The following GALNT13 variants were observed in gnomAD, a reference collection of about 807,000 sequenced individuals.
GALNT13 encodes UDP-GalNAc:polypeptide N-acetylgalactosaminyltransferase 13.
GALNT13 carries 28 observed loss-of-function variants against 64.2 expected under a neutral mutation model. The observed-to-expected ratio is 0.44, with a 90% CI of 0.32 to 0.60. The LOEUF is 0.60. Ranked by LOEUF, GALNT13 falls within the 20% of genes least tolerant of loss-of-function variation. GALNT13 has a pLI of 0.05. For synonymous variants in GALNT13, 214 were observed against 224.6 expected (o/e 0.95, Z 0.42); for missense variants, 577 against 669.8 (o/e 0.86, Z 1.53).
At chr2:153,444,868 G>A in the GALNT13 span, among the ~76,000 whole-genome samples, 1 of 152,004 alleles carries the variant, frequency 6.6e-6, no homozygotes, top group African/African-American at 2.4e-5. Context: ...CCAGCTTGTG[G>A]TGTTTCACAT....
At chr2:154,060,044 C>T (rs1432587718) in intron 3 of GALNT13, among the ~76,000 whole-genome samples, 1 of 152,020 alleles carries the variant, frequency 6.6e-6, no homozygotes, top group Admixed American at 6.6e-5. Flanking sequence ...AGGTAGGGCC[C>T]CTGTAGTGGG....
the GALNT13 span, among the ~76,000 whole-genome samples, chr2:153,339,765 T>C: frequency 6.6e-6 from 1 of 152,232 alleles, no homozygotes; most frequent in Admixed American, 6.5e-5. Flanking sequence ...AATCCATTTT[T>C]AGTTATTTTT....
At chr2:154,325,953 C>G (rs1031436143) in intron 9 of GALNT13, among the ~76,000 whole-genome samples, 1 of 152,110 alleles carries the variant, frequency 6.6e-6, no homozygotes, top group African/African-American at 2.4e-5. Flanking sequence ...GCCCAGGAAG[C>G]TGTGTTTAAT....
intron 4 of GALNT13, among the ~76,000 whole-genome samples, chr2:154,225,351 T>C (rs1318177383): frequency 6.6e-6 from 1 of 152,104 alleles, no homozygotes; most frequent in African/African-American, 2.4e-5. Context: ...TAACACGTTC[T>C]GCTTGCAAGT....
chr2:153,091,350 AT>A, the GALNT13 span, among the ~76,000 whole-genome samples: 1 of 152,018 alleles, frequency 6.6e-6, no homozygotes, highest in Non-Finnish European at 1.5e-5. Context: ...CCTTAAATCC[AT>A]TTCAGCTCTA....
chr2:153,445,738 C>G, the GALNT13 span, among the ~76,000 whole-genome samples: 1 of 152,112 alleles, frequency 6.6e-6, no homozygotes, highest in African/African-American at 2.4e-5. Context: ...TCATATATAT[C>G]AATCATGGAG....
chr2:153,578,854 T>C, the GALNT13 span, among the ~76,000 whole-genome samples: 1 of 152,272 alleles, frequency 6.6e-6, no homozygotes, highest in African/African-American at 2.4e-5. Flanking sequence ...CCTGGGATTG[T>C]TAGCAGTCAC....
chr2:153,713,559 T>G, the GALNT13 span, among the ~76,000 whole-genome samples: 3 of 152,224 alleles, frequency 2.0e-5, no homozygotes, highest in Non-Finnish European at 4.4e-5. Context: ...CTTGGCTTAC[T>G]GTAGCCTCCA....
intron 3 of GALNT13, among the ~76,000 whole-genome samples, chr2:153,958,843 G>A (rs1208873579): frequency 6.6e-6 from 1 of 152,158 alleles, no homozygotes; most frequent in Non-Finnish European, 1.5e-5. Context: ...AAACAGCATT[G>A]CCCAAGGGGA....
intron 9 of GALNT13, among the ~76,000 whole-genome samples, chr2:154,391,775 G>A (rs1265550785): frequency 6.6e-6 from 1 of 152,104 alleles, no homozygotes; most frequent in Non-Finnish European, 1.5e-5. Flanking sequence ...CTTCAAAAAA[G>A]ATAACTCATC....
At chr2:153,767,044 G>A in the GALNT13 span, among the ~76,000 whole-genome samples, 8 of 152,072 alleles carry the variant, frequency 5.3e-5, no homozygotes, top group African/African-American at 1.7e-4. Flanking sequence ...TGGTACATTC[G>A]TTAACCAAAT....
At chr2:153,516,159 T>C in the GALNT13 span, among the ~76,000 whole-genome samples, 1 of 152,238 alleles carries the variant, frequency 6.6e-6, no homozygotes, top group African/African-American at 2.4e-5. Context: ...ACCATTATTG[T>C]ACTTATTGCA....
the GALNT13 span, among the ~76,000 whole-genome samples, chr2:153,280,149 G>A: frequency 6.6e-6 from 1 of 152,134 alleles, no homozygotes; most frequent in Non-Finnish European, 1.5e-5. Context: ...TCTAGTTTGT[G>A]TGCATAGGTA....
the GALNT13 span, among the ~76,000 whole-genome samples, chr2:153,694,891 C>A: frequency 3.3e-5 from 5 of 151,952 alleles, no homozygotes; most frequent in African/African-American, 1.2e-4. Flanking sequence ...GGTATGGGAG[C>A]CCCCAAAACA....
the GALNT13 span, among the ~76,000 whole-genome samples, chr2:153,154,208 A>C: frequency 6.6e-6 from 1 of 152,114 alleles, no homozygotes; most frequent in Non-Finnish European, 1.5e-5. Context: ...TGATGTGGGC[A>C]GGTTTCTCCC....
the GALNT13 span, among the ~76,000 whole-genome samples, chr2:153,125,906 A>T: frequency 6.6e-6 from 1 of 152,152 alleles, no homozygotes; most frequent in East Asian, 1.9e-4. Context: ...TCATTTGAGG[A>T]TAACAAGTGT....
chr2:153,769,483 G>A, the GALNT13 span, among the ~76,000 whole-genome samples: 1 of 151,514 alleles, frequency 6.6e-6, no homozygotes, highest in African/African-American at 2.4e-5. Context: ...CTTTACAGAT[G>A]ATGCTTCTCT....
the GALNT13 span, among the ~76,000 whole-genome samples, chr2:153,695,085 A>G: frequency 6.6e-6 from 1 of 152,218 alleles, no homozygotes; most frequent in African/African-American, 2.4e-5. Flanking sequence ...GTAAGTAACA[A>G]AGATAAACTA....
the GALNT13 span, among the ~76,000 whole-genome samples, chr2:153,177,356 T>C: frequency 6.6e-6 from 1 of 152,036 alleles, no homozygotes; most frequent in Non-Finnish European, 1.5e-5. Context: ...AGAAAAACAA[T>C]GCTTGATTCC....
Sources: gnomAD v4.1 joint callset for allele counts (sites outside exome capture counted in the v4.1 genomes callset) on GRCh38, gnomAD v4.1.1 for gene constraint, MANE v1.5 for transcripts, NCBI Gene and HGNC (gene_info 2026-07-23, HGNC 2026-07-21) for gene names.